Variants in GGPS1 observed in about 807,000 individuals in gnomAD.
GGPS1 encodes geranylgeranyl pyrophosphate synthase.
GGPS1 carries 15 observed loss-of-function variants against 28.1 expected under a neutral mutation model. The observed-to-expected ratio is 0.53, with a 90% CI of 0.36 to 0.82. The LOEUF (loss-of-function observed/expected upper bound fraction) is 0.82. GGPS1 is among the 40% of genes least tolerant of loss of function. The pLI is 0.01. For missense variants in GGPS1, 284 were observed against 348.3 expected, an observed-to-expected ratio of 0.82 and a Z score of 1.47; for synonymous variants, 138 against 122.4, an observed-to-expected ratio of 1.13 and a Z score of -0.84.
At chr1:235,333,625 G>C (rs7541180) in intron 1 of GGPS1, among the ~76,000 whole-genome samples, 25,756 of 150,920 alleles carry the variant, frequency 0.17, 3,013 homozygotes, top group African/African-American at 0.33. Context: ...TACATGAACT[G>C]AACTTCATTT....
intron 2 of GGPS1, among the ~76,000 whole-genome samples, chr1:235,338,291 A>G (rs1290546440): frequency 6.6e-6 from 1 of 151,584 alleles, no homozygotes; most frequent in East Asian, 1.9e-4. Flanking sequence ...CTGAGGTGGG[A>G]TGATTACCGG....
intron 2 of GGPS1, among the ~76,000 whole-genome samples, chr1:235,338,833 T>C (rs982518218): frequency 2.6e-5 from 4 of 151,956 alleles, no homozygotes; most frequent in Non-Finnish European, 5.9e-5. Flanking sequence ...GCCACTGCAC[T>C]CCAGCCTGGG....
Position 235,340,356 on chromosome 1 carries a change from G to C in GGPS1, c.71-1352G>C, listed in dbSNP as rs111374306. Among the ~76,000 whole-genome samples the C allele has an allele frequency of 8.4e-3, 1,271 of 152,026 alleles. 20 individuals carry two copies. The highest frequency in any genetic ancestry group is 0.029 in the African/African-American group (1,212 of 41,468). On this transcript the variant is annotated intron_variant, in intron 2 of 3. Coordinates refer to ENST00000282841, the MANE Select transcript of GGPS1 (RefSeq NM_004837.4). Reference sequence around the variant, plus strand: ...GTGGTCGCTTGCACCTATAGTGCCAGCTACTCGGGAGGCTGAGGTGGAGGC... The same window carrying C: ...GTGGTCGCTTGCACCTATAGTGCCACCTACTCGGGAGGCTGAGGTGGAGGC...
rs1336566631 is a variant in GGPS1, at chr1:235,342,383, G to A, written c.514G>A (p.Asp172Asn). ...GCAGTTGTTCTCTGATTACAAAGAA[G>A]ATTTAAAACCGCTACTTAATACACT... ...LMQLFSDYKE[D>N]LKPLLNTLGL... Residue 172 changes from aspartate to asparagine, a missense_variant, in exon 4 of 4, where the codon GAT (aspartate) becomes AAT (asparagine). Asp to Asn is a conservative substitution (Grantham distance 23, BLOSUM62 1). Coordinates refer to ENST00000282841, the MANE Select transcript of GGPS1 (RefSeq NM_004837.4). The A allele has an allele frequency of 6.2e-7, 1 of 1,614,106 alleles. No homozygotes were observed. Among genetic ancestry groups the A allele is most frequent in the Non-Finnish European group, 8.5e-7 (1 of 1,179,954 alleles).
At chr1:235,333,123 A>G (rs1267013756) in intron 1 of GGPS1, among the ~76,000 whole-genome samples, 4 of 151,516 alleles carry the variant, frequency 2.6e-5, no homozygotes. Flanking sequence ...AATAAATAAC[A>G]GTAGCCCACA....
rs1558328054 is a variant in GGPS1, at chr1:235,342,646, C to T, written c.777C>T (p.Tyr259=). 2 of 1,611,054 alleles carry T rather than the reference C, an allele frequency of 1.2e-6. No individual in the cohort carries two copies. The highest frequency in any genetic ancestry group is 1.3e-5 in the African/African-American group (1 of 74,840). Residue 259 remains tyrosine (Y), a synonymous_variant, in exon 4 of 4, where the codon TAC becomes TAT. Coordinates refer to ENST00000282841, the MANE Select transcript of GGPS1 (RefSeq NM_004837.4). ...TTGAGGATGTAGGTTCTTTTGAATACACTCGTAATACCCTTAAAGAGCTTG... is the reference window on the plus strand; with the variant it reads ...TTGAGGATGTAGGTTCTTTTGAATATACTCGTAATACCCTTAAAGAGCTTG... ...HYLEDVGSFE[Y]TRNTLKELEA... is the part of the protein sequence containing the mutation.
chr1:235,338,457 A>G (rs1470960834), intron 2 of GGPS1, among the ~76,000 whole-genome samples: 1 of 152,186 alleles, frequency 6.6e-6, no homozygotes, highest in Non-Finnish European at 1.5e-5. Flanking sequence ...AAAAAATATT[A>G]AAACTGTAGT....
rs188085695 is a variant in GGPS1, at chr1:235,330,609, A to G, written c.-24+1831A>G. The G allele has an allele frequency of 2.6e-5, 4 of 152,360 alleles. No homozygotes were observed. In the East Asian group the frequency reaches 7.7e-4, roughly 29 times the overall value. 9.4% of individuals were successfully genotyped at this position (152,360 alleles called of 1,614,324 possible). A position where few individuals can be genotyped will look rare whatever the true frequency, so the allele number is the denominator to read the frequency against. ...GGACAGGAAATTGACTTAAGTGAGT[A>G]TTCTTAAACATCTCTAAGTGAGGAA... On this transcript the variant is annotated intron_variant, in intron 1 of 3. Transcript: ENST00000282841.
chr1:235,343,929 C>G lies in GGPS1; in HGVS notation c.*1157C>G, dbSNP rs919598907. On this transcript the variant is annotated 3_prime_UTR_variant, in exon 4 of 4. Transcript: ENST00000282841. ...TTCCTTCCCGCCCACATCACCACCC[C>G]GACTTGAAGACAGTAGGTGCTTGAA... 7 of 166,878 alleles carry G rather than the reference C, an allele frequency of 4.2e-5. No individual in the cohort carries two copies. The highest frequency in any genetic ancestry group is 1.7e-4 in the African/African-American group (7 of 41,372). The allele number at this position is 166,878 out of a possible 1,614,324, so 10.3% of individuals were successfully genotyped here. A position where few individuals can be genotyped will look rare whatever the true frequency, so the allele number is the denominator to read the frequency against.
At chr1:235,330,530 TGAA>T (rs1156918009) in intron 1 of GGPS1, 1 of 152,160 alleles carries the variant, frequency 6.6e-6, no homozygotes, top group African/African-American at 2.4e-5. Flanking sequence ...CTGGAAAAAT[TGAA>T]GTTCTTATGT....
rs1208225560 is a variant in GGPS1 at position 235,329,813 on chromosome 1, AAAG to A, written c.-24+1040_-24+1042del. 7 of 152,244 alleles carry A rather than the reference AAAG, an allele frequency of 4.6e-5. No homozygotes were observed. The East Asian group carries it at 9.6e-4, about 21-fold the overall frequency. The allele number at this position is 152,244 out of a possible 1,614,324, so 9.4% of individuals were successfully genotyped here. A position where few individuals can be genotyped will look rare whatever the true frequency, so the allele number is the denominator to read the frequency against. On this transcript the variant is annotated intron_variant, in intron 1 of 3. Coordinates refer to ENST00000282841, the MANE Select transcript of GGPS1 (RefSeq NM_004837.4). ...GGCTGAAGAGTAGAGGAAGCGAAAA[AAAG>A]AAGAGTTAAAGAGGCAAATGCAGGG...
In GGPS1 at chr1:235,335,228, C is replaced by G. The variant is rs1675829485; in HGVS notation, c.-23-14C>G. 9.6e-7 allele frequency: 1 copy of G among 1,038,092 alleles called. No homozygotes were observed. The highest frequency in any genetic ancestry group is 1.6e-5 in the African/African-American group (1 of 62,834). 64.3% of individuals were successfully genotyped at this position (1,038,092 alleles called of 1,614,324 possible). On this transcript the variant is annotated splice_polypyrimidine_tract_variant and intron_variant, in intron 1 of 3. Transcript: ENST00000282841. ...TTAGTTTCATGTGATCTTTATGTTTCTCCTTTTTGACAGATTAGCTTTGAA... is the reference window on the plus strand; with the variant it reads ...TTAGTTTCATGTGATCTTTATGTTTGTCCTTTTTGACAGATTAGCTTTGAA...
rs2103352581 is a variant in GGPS1 at position 235,343,476 on chromosome 1, A to G, written c.*704A>G. The G allele has an allele frequency of 1.2e-5, 2 of 163,812 alleles. No homozygotes were observed. Among genetic ancestry groups the G allele is most frequent in the Admixed American group, 6.5e-5 (1 of 15,298 alleles). The allele number at this position is 163,812 out of a possible 1,614,324, so 10.1% of individuals were successfully genotyped here. On this transcript the variant is annotated 3_prime_UTR_variant, in exon 4 of 4. Transcript: ENST00000282841. ...TGAGGCAGGAGAATGGTGTGAACCC[A>G]GGAGGCGGAGCTTGCAGTGAGCCGA...
intron 1 of GGPS1, among the ~76,000 whole-genome samples, chr1:235,331,650 A>C (rs1365320412): frequency 6.7e-6 from 1 of 149,924 alleles, no homozygotes; most frequent in African/African-American, 2.5e-5. Flanking sequence ...TTTTTTTAGA[A>C]GATTCATAGC....
At chr1:235,338,314 TGAG>T (rs1250930912) in intron 2 of GGPS1, among the ~76,000 whole-genome samples, 1 of 150,628 alleles carries the variant, frequency 6.6e-6, no homozygotes, top group Non-Finnish European at 1.5e-5. Context: ...CCTGGGAGGT[TGAG>T]GCTGCAGTAA....
rs1293347738 is a variant in GGPS1 at position 235,344,310 on chromosome 1, A to AC, written c.*1538_*1539insC. ...TTGTATGAGAAATCCTCACCCAAGCATTCAACCTAAATCTTTGAAAAGTTG... is the reference window on the plus strand; with the variant it reads ...TTGTATGAGAAATCCTCACCCAAGCACTTCAACCTAAATCTTTGAAAAGTTG... On this transcript the variant is annotated 3_prime_UTR_variant, in exon 4 of 4. Coordinates refer to ENST00000282841, the MANE Select transcript of GGPS1 (RefSeq NM_004837.4). 1.2e-5 allele frequency: 2 copies of AC among 167,096 alleles called. No individual in the cohort carries two copies. The highest frequency in any genetic ancestry group is 2.9e-5 in the Non-Finnish European group (2 of 68,118). 10.4% of individuals were successfully genotyped at this position (167,096 alleles called of 1,614,324 possible).
chr1:235,331,184 TATTA>T (rs1675705344), intron 1 of GGPS1, among the ~76,000 whole-genome samples: 1 of 152,302 alleles, frequency 6.6e-6, no homozygotes, highest in African/African-American at 2.4e-5. Flanking sequence ...ACGTCTTTGG[TATTA>T]ATTGTTAGTC....
Position 235,343,069 on chromosome 1 carries a change from C to A in GGPS1, c.*297C>A. On this transcript the variant is annotated 3_prime_UTR_variant, in exon 4 of 4. Coordinates refer to ENST00000282841, the MANE Select transcript of GGPS1 (RefSeq NM_004837.4). ...ACTACCATCAATGTTGTGTTTATTC[C>A]GTCAATAAAAAAGACTTGCTTCCAG... The A allele has an allele frequency of 4.6e-6, 1 of 219,520 alleles. No individual in the cohort carries two copies. Among genetic ancestry groups the A allele is most frequent in the Non-Finnish European group, 9.7e-6 (1 of 103,210 alleles). 13.6% of individuals were successfully genotyped at this position (219,520 alleles called of 1,614,324 possible). A position where few individuals can be genotyped will look rare whatever the true frequency, so the allele number is the denominator to read the frequency against.
At chr1:235,330,612 C>G (rs1348172573) in intron 1 of GGPS1, 5 of 152,146 alleles carry the variant, frequency 3.3e-5, no homozygotes, top group Admixed American at 6.5e-5. Flanking sequence ...AGTGAGTATT[C>G]TTAAACATCT....
Sources: gnomAD v4.1 joint callset for allele counts (sites outside exome capture counted in the v4.1 genomes callset) on GRCh38, gnomAD v4.1.1 for gene constraint, MANE v1.5 for transcripts, NCBI Gene and HGNC (gene_info 2026-07-23, HGNC 2026-07-21) for gene names.